Variants in ZNF347 observed in about 807,000 individuals in gnomAD.
ZNF347 encodes the protein CTD-2620I22.7.
Under a neutral mutation model 12.9 loss-of-function variants are expected in ZNF347, and 19 were observed. That is an observed-to-expected ratio of 1.47 (90% CI 1.03 to 2.16). ZNF347 has a LOEUF of 2.16. ZNF347 is among the 30% of genes most tolerant of loss of function. The pLI, the probability that ZNF347 is intolerant of heterozygous loss-of-function variation, is 0.00. For synonymous variants in ZNF347, 328 were observed against 340.6 expected, an observed-to-expected ratio of 0.96 and a Z score of 0.41; for missense variants, 1,005 against 990.6, an observed-to-expected ratio of 1.01 and a Z score of -0.19.
chr19:53,142,467 G>C lies in ZNF347; in HGVS notation c.361C>G (p.Gln121Glu). 6.2e-7 allele frequency: 1 copy of C among 1,613,930 alleles called. No homozygotes were observed. Among genetic ancestry groups the C allele is most frequent in the Non-Finnish European group, 8.5e-7 (1 of 1,179,942 alleles). The change falls in exon 5 of 5, where the codon CAG becomes GAG. Residue 121 changes from glutamine to glutamate, a missense_variant. By Grantham distance (29) the Gln-to-Glu change is conservative. Transcript: ENST00000334197. Reference protein sequence around the residue: ...EVFQTVMLERQESQDIEGCSF... With the variant: ...EVFQTVMLEREESQDIEGCSF... Reference sequence around the variant, plus strand: ...CATCCTTCAATGTCTTGGCTTTCCTGTCTTTCCAACATCACTGTTTGGAAT... The same window carrying C: ...CATCCTTCAATGTCTTGGCTTTCCTCTCTTTCCAACATCACTGTTTGGAAT...
At chr19:53,151,100 TGA>T (rs918138449) in intron 2 of ZNF347, among the ~76,000 whole-genome samples, 4 of 152,206 alleles carry the variant, frequency 2.6e-5, no homozygotes, top group African/African-American at 9.7e-5. Context: ...TGATAGCCCA[TGA>T]GAGAAAGATC....
chr19:53,156,676 G>A (rs184316099), intron 1 of ZNF347, among the ~76,000 whole-genome samples: 4 of 152,208 alleles, frequency 2.6e-5, no homozygotes, highest in East Asian at 1.9e-4. Context: ...TCTTTGAGCC[G>A]CCCTCACAAA....
intron 4 of ZNF347, among the ~76,000 whole-genome samples, chr19:53,143,630 T>A (rs1178486314): frequency 1.3e-5 from 2 of 152,042 alleles, no homozygotes; most frequent in Non-Finnish European, 2.9e-5. Flanking sequence ...TCTATCATTG[T>A]TGGACATTTG....
At chr19:53,153,849 G>C in intron 1 of ZNF347, 56 bp from the exon 2 acceptor site, 1 of 1,368,474 alleles carries the variant, frequency 7.3e-7, no homozygotes, top group Non-Finnish European at 1.0e-6. Context: ...AAAATGTGCT[G>C]TTTATTGCTC....
Position 53,142,319 on chromosome 19 carries a change from T to C in ZNF347, c.509A>G (p.His170Arg), listed in dbSNP as rs980485115. ...CTTGTTTCTTGCATCTCTTTTATCA[T>C]GTTCATCTCTTCCATGAGTGAGATT... The part of the protein sequence containing the change: ...EGNLTHGRDE[H>R]DKRDARNKLI... The change falls in exon 5 of 5, where the codon CAT (histidine) becomes CGT (arginine). Residue 170 changes from histidine to arginine, a missense_variant. By Grantham distance (29) the His-to-Arg change is conservative. Transcript: ENST00000334197. 16 of 1,614,044 alleles carry C rather than the reference T, an allele frequency of 9.9e-6. No homozygotes were observed. Among genetic ancestry groups the C allele is most frequent in the Non-Finnish European group, 1.2e-5 (14 of 1,180,012 alleles).
rs573890584 is a variant in ZNF347, at chr19:53,140,480, T to A, written c.2348A>T (p.His783Leu). The change falls in exon 5 of 5, where the codon CAT becomes CTT. Residue 783 changes from histidine to leucine, a missense_variant. Physicochemically the swap from His to Leu is moderately conservative, Grantham distance 99 (BLOSUM62 -3). Coordinates refer to ENST00000334197, the MANE Select transcript of ZNF347 (RefSeq NM_032584.3). ...TTTCTCTCCGGTATGAATTCTCTGA[T>A]GCCTTGCAAGTTTTGAAGTTTGACT... ...AFSQTSKLAR[H>L]QRIHTGEKPY... The A allele has an allele frequency of 6.2e-7, 1 of 1,613,936 alleles. No homozygotes were observed. The highest frequency in any genetic ancestry group is 2.2e-5 in the East Asian group (1 of 44,872).
chr19:53,156,317 C>T (rs1022439779), intron 1 of ZNF347, among the ~76,000 whole-genome samples: 7 of 151,900 alleles, frequency 4.6e-5, no homozygotes, highest in African/African-American at 1.5e-4. Flanking sequence ...GCAGGAGAAT[C>T]GCTTGAACTC....
intron 2 of ZNF347, among the ~76,000 whole-genome samples, chr19:53,152,165 T>G (rs1485482931): frequency 6.6e-6 from 1 of 151,908 alleles, no homozygotes. Flanking sequence ...ATACACAGTT[T>G]AGTAATAACA....
In ZNF347 at chr19:53,142,614, TTACACC is replaced by T. The variant is rs1484910026; in HGVS notation, c.272-64_272-59del. 2.0e-4 allele frequency: 260 copies of T among 1,321,852 alleles called. No individual in the cohort carries two copies. In the African/African-American group the frequency reaches 3.3e-3, roughly 17 times the overall value. The allele number at this position is 1,321,852 out of a possible 1,614,324, so 81.9% of individuals were successfully genotyped here. On this transcript the variant is annotated intron_variant, in intron 4 of 4. Coordinates refer to ENST00000334197, the MANE Select transcript of ZNF347 (RefSeq NM_032584.3). ...TAATTGTAGTACGTAAACAAGTATT[TTACACC>T]GAAAAACAATATTACACCGAAAAAC... is the stretch of plus-strand genomic sequence containing the variant.
chr19:53,137,854 G>T lies in ZNF347; in HGVS notation c.*2454C>A, dbSNP rs2090395605. On this transcript the variant is annotated 3_prime_UTR_variant, in exon 5 of 5. Coordinates refer to ENST00000334197, the MANE Select transcript of ZNF347 (RefSeq NM_032584.3). ...CTCACTTTCTCGCCCAGGCTGGAGT[G>T]CAGTGGCAATCTCGGCTCACTGCAA... 1 of 151,986 alleles carries T rather than the reference G, an allele frequency of 6.6e-6. No individual in the cohort carries two copies. The highest frequency in any genetic ancestry group is 2.1e-4 in the South Asian group (1 of 4,830). 9.4% of individuals were successfully genotyped at this position (151,986 alleles called of 1,614,324 possible).
chr19:53,146,499 C>T (rs2090464269), intron 4 of ZNF347, among the ~76,000 whole-genome samples: 1 of 152,046 alleles, frequency 6.6e-6, no homozygotes, highest in Non-Finnish European at 1.5e-5. Flanking sequence ...CTGGTTTGAA[C>T]TCCCCGCCTC....
intron 2 of ZNF347, among the ~76,000 whole-genome samples, chr19:53,153,337 T>G (rs957607914): frequency 6.6e-6 from 1 of 152,212 alleles, no homozygotes; most frequent in Non-Finnish European, 1.5e-5. Context: ...TTTACATAAT[T>G]TAGCAAGTAT....
chr19:53,141,584 T>A lies in ZNF347; in HGVS notation c.1244A>T (p.His415Leu). Reference protein sequence around the residue: ...ECGKVFTQNSHLTNHWRIHTG... With the variant: ...ECGKVFTQNSLLTNHWRIHTG... ...GTGAATTCTCCAGTGATTTGTAAGGTGTGAATTTTGAGTGAAGACCTTGCC... is the reference window on the plus strand; with the variant it reads ...GTGAATTCTCCAGTGATTTGTAAGGAGTGAATTTTGAGTGAAGACCTTGCC... Residue 415 changes from histidine (H) to leucine (L), a missense_variant, in exon 5 of 5, where the codon CAC becomes CTC. By Grantham distance (99) the His-to-Leu change is moderately conservative. Transcript: ENST00000334197. 1 of 1,614,066 alleles carries A rather than the reference T, an allele frequency of 6.2e-7. No homozygotes were observed. The highest frequency in any genetic ancestry group is 8.5e-7 in the Non-Finnish European group (1 of 1,179,960).
In ZNF347 at chr19:53,142,446, C is replaced by T. The variant is rs1471694812; in HGVS notation, c.382G>A (p.Gly128Arg). Residue 128 changes from glycine (G) to arginine (R), a missense_variant, in exon 5 of 5, where the codon GGA (glycine) becomes AGA (arginine). Coordinates refer to ENST00000334197, the MANE Select transcript of ZNF347 (RefSeq NM_032584.3). ...LERQESQDIE[G>R]CSFREVQKNT... The stretch of plus-strand genomic sequence containing the variant: ...TTCTGGACTTCCCTGAAGGAACATC[C>T]TTCAATGTCTTGGCTTTCCTGTCTT... The T allele has an allele frequency of 1.2e-6, 2 of 1,614,090 alleles. No individual in the cohort carries two copies. The highest frequency in any genetic ancestry group is 1.7e-6 in the Non-Finnish European group (2 of 1,179,984).
rs778640173 is a variant in ZNF347 at position 53,149,394 on chromosome 19, G to A, written c.16-27C>T. ...TAAAATGAAAAACACATCCACCAGG[G>A]GGATATAAGGAAAAGCTCCAATCTT... On this transcript the variant is annotated intron_variant, in intron 2 of 4. Coordinates refer to ENST00000334197, the MANE Select transcript of ZNF347 (RefSeq NM_032584.3). 3 of 1,612,466 alleles carry A rather than the reference G, an allele frequency of 1.9e-6. No individual in the cohort carries two copies. The South Asian group carries it at 3.3e-5, about 18-fold the overall frequency.
rs1352419309 is a variant in ZNF347, at chr19:53,140,132, T to G, written c.*176A>C. 1.6e-6 allele frequency: 1 copy of G among 608,976 alleles called. No individual in the cohort carries two copies. Among genetic ancestry groups the G allele is most frequent in the African/African-American group, 1.9e-5 (1 of 53,988 alleles). The allele number at this position is 608,976 out of a possible 1,614,324, so 37.7% of individuals were successfully genotyped here. A position where few individuals can be genotyped will look rare whatever the true frequency, so the allele number is the denominator to read the frequency against. ...TCAGGCTGGTCTTGAACTCCTGACC[T>G]CAGGTGATCCACCTGCCTCGGACTC... is the stretch of plus-strand genomic sequence containing the variant. On this transcript the variant is annotated 3_prime_UTR_variant, in exon 5 of 5. Coordinates refer to ENST00000334197, the MANE Select transcript of ZNF347 (RefSeq NM_032584.3).
At position 53,141,222 on chromosome 19, in the gene ZNF347, T is replaced by A. The variant is rs1165843142; in HGVS notation, c.1606A>T (p.Thr536Ser). 1 of 1,608,462 alleles carries A rather than the reference T, an allele frequency of 6.2e-7. No homozygotes were observed. Residue 536 changes from threonine (T) to serine (S), a missense_variant, in exon 5 of 5, where the codon ACT becomes TCT. Transcript: ENST00000334197. ...TTACACATATAAGGCTTCACTCCAGTATGAATTCTTTGATGATTTGCAAGG... is the reference window on the plus strand; with the variant it reads ...TTACACATATAAGGCTTCACTCCAGAATGAATTCTTTGATGATTTGCAAGG... ...SHLANHQRIH[T>S]GVKPYMCNEC... is the part of the protein sequence containing the mutation.
intron 2 of ZNF347, among the ~76,000 whole-genome samples, chr19:53,153,077 C>T (rs746945986): frequency 1.3e-5 from 2 of 152,168 alleles, no homozygotes; most frequent in Non-Finnish European, 2.9e-5. Context: ...GCAGAAACAC[C>T]AGTCTCCATT....
chr19:53,148,430 T>A (rs2090476251), intron 4 of ZNF347, among the ~76,000 whole-genome samples: 3 of 151,960 alleles, frequency 2.0e-5, no homozygotes, highest in Admixed American at 1.3e-4. Context: ...GGAACCAGAG[T>A]TCTCAGAAGC....
Sources: allele counts gnomAD v4.1 joint callset (sites outside exome capture counted in the v4.1 genomes callset), GRCh38; gene constraint gnomAD v4.1.1; transcripts MANE v1.5; gene names NCBI Gene and HGNC (gene_info 2026-07-23, HGNC 2026-07-21).